The following PCDH15 variants were observed in gnomAD, a reference collection of about 807,000 sequenced individuals.
PCDH15 encodes protocadherin related 15.
PCDH15 carries 129 observed loss-of-function variants against 178.5 expected under a neutral mutation model. That is an observed-to-expected ratio of 0.72 (90% CI 0.63 to 0.84). PCDH15 has a LOEUF of 0.84. Among genes scored for constraint, PCDH15 ranks in the 40% least tolerant of loss-of-function variants. PCDH15 has a pLI of 0.00. For missense variants in PCDH15, 2,230 were observed against 2,099.9 expected (o/e 1.06, Z -1.21); for synonymous variants, 800 against 732.0 (o/e 1.09, Z -1.50).
intron 1 of PCDH15, among the ~76,000 whole-genome samples, chr10:55,262,066 A>C: frequency 6.8e-6 from 1 of 147,840 alleles, no homozygotes; most frequent in South Asian, 2.2e-4. Context: ...GAGGGAGGGA[A>C]AGAGATAAAG....
intron 1 of PCDH15, among the ~76,000 whole-genome samples, chr10:55,181,723 T>G (rs979346895): frequency 6.6e-6 from 1 of 151,998 alleles, no homozygotes; most frequent in Admixed American, 6.6e-5. Flanking sequence ...TATATTAAAC[T>G]AAAAAGAGGC....
chr10:54,732,720 C>A (rs941309544), intron 1 of PCDH15, among the ~76,000 whole-genome samples: 3 of 151,424 alleles, frequency 2.0e-5, no homozygotes, highest in Non-Finnish European at 3.0e-5. Flanking sequence ...TAAAGTCAGA[C>A]AAAAACATGA....
At chr10:55,242,152 G>A (rs1039960939) in intron 1 of PCDH15, among the ~76,000 whole-genome samples, 4 of 152,196 alleles carry the variant, frequency 2.6e-5, no homozygotes, top group Non-Finnish European at 5.9e-5. Context: ...CCAACTATTA[G>A]AAAGAATGTT....
chr10:54,133,150 T>C (rs1028709356), intron 14 of PCDH15, 143 bp from the exon 15 acceptor site: 2 of 959,046 alleles, frequency 2.1e-6, no homozygotes, highest in Admixed American at 2.2e-5. Flanking sequence ...AATGAAAGGA[T>C]AGAAAAAACT....
At chr10:54,651,674 C>T (rs1253398130) in intron 2 of PCDH15, among the ~76,000 whole-genome samples, 1 of 152,084 alleles carries the variant, frequency 6.6e-6, no homozygotes, top group Non-Finnish European at 1.5e-5. Context: ...ACAGCTGAAC[C>T]ATCTGTGATA....
At chr10:55,475,788 G>T (rs1589062174) in intron 2 of PCDH15, among the ~76,000 whole-genome samples, 1 of 152,030 alleles carries the variant, frequency 6.6e-6, no homozygotes, top group Admixed American at 6.6e-5. Context: ...CAAGCCTTTT[G>T]GATAAGTGAT....
chr10:54,777,257 C>A (rs186577982), intron 1 of PCDH15, among the ~76,000 whole-genome samples: 2 of 152,152 alleles, frequency 1.3e-5, no homozygotes, highest in African/African-American at 4.8e-5. Context: ...ACCACCATAC[C>A]AATCATCGAG....
intron 2 of PCDH15, among the ~76,000 whole-genome samples, chr10:55,034,465 A>AT (rs1012631206): frequency 2.6e-5 from 4 of 152,116 alleles, no homozygotes; most frequent in Non-Finnish European, 5.9e-5. Context: ...ACTTTGGCAT[A>AT]TTTTTTTGTT....
rs183292641 is a variant in PCDH15, at chr10:53,879,750, G to A, written c.3502-12893C>T. On this transcript the variant is annotated intron_variant, in intron 26 of 37. Transcript: ENST00000644397. ...CTCTCGAGTACCAGGGACTACAGGC[G>A]CGCACCACCACGCCTGGCTAATTTT... Among the ~76,000 whole-genome samples the A allele has an allele frequency of 5.4e-3, 820 of 152,142 alleles. 5 individuals carry two copies. Among genetic ancestry groups the A allele is most frequent in the African/African-American group, 0.016 (667 of 41,496 alleles).
chr10:55,609,223 A>G (rs1028374524), intron 2 of PCDH15, among the ~76,000 whole-genome samples: 9 of 152,094 alleles, frequency 5.9e-5, no homozygotes, highest in African/African-American at 2.2e-4. Flanking sequence ...GCACTTTCAG[A>G]TAAGTGTAAC....
chr10:54,664,228 G>A lies in PCDH15; in HGVS notation c.35C>T (p.Ala12Val). Reference protein sequence around the residue: ...FRQFYLWTCLASGIILGSLFE... With the variant: ...FRQFYLWTCLVSGIILGSLFE... ...GAGAGAGCCCAGGATGATCCCTGAA[G>A]CTAAACATGTCCAGAGATAAAACTG... The change falls in exon 2 of 38, where the codon GCT becomes GTT. Residue 12 changes from alanine to valine, a missense_variant. Coordinates refer to ENST00000644397, the MANE Select transcript of PCDH15 (RefSeq NM_001384140.1). 3 of 1,612,094 alleles carry A rather than the reference G, an allele frequency of 1.9e-6. No homozygotes were observed. Among genetic ancestry groups the A allele is most frequent in the Non-Finnish European group, 2.5e-6 (3 of 1,178,794 alleles).
At chr10:54,802,713 T>C (rs888881678), upstream of PCDH15, among the ~76,000 whole-genome samples, 1 of 152,218 alleles carries the variant, frequency 6.6e-6, no homozygotes, top group Non-Finnish European at 1.5e-5. Flanking sequence ...ATCCATATAT[T>C]GATATTTGTT....
intron 2 of PCDH15, among the ~76,000 whole-genome samples, chr10:55,371,505 T>C (rs1396583502): frequency 1.3e-5 from 2 of 152,218 alleles, no homozygotes; most frequent in East Asian, 3.9e-4. Flanking sequence ...GGGAAGTTGA[T>C]TGGATCATGG....
Position 55,210,618 on chromosome 10 carries a change from CTTTTTTTTTT to C in PCDH15, c.-155-43977_-155-43968del, listed in dbSNP as rs11412877. Among the ~76,000 whole-genome samples the C allele has an allele frequency of 5.0e-3, 201 of 40,352 alleles. 1 individual carries two copies. The highest frequency in any genetic ancestry group is 0.02 in the African/African-American group (174 of 8,780). The allele number at this position is 40,352 out of a possible 152,430, so 26.5% of individuals were successfully genotyped here. A position where few individuals can be genotyped will look rare whatever the true frequency, so the allele number is the denominator to read the frequency against. On this transcript the variant is annotated intron_variant, in intron 1 of 5. Transcript: ENST00000458638. ...ACGATTTTTTTTTCTTTTTTCTTTTCTTTTTTTTTTTTTTTTTTTTTTTTTTTTTTTGACG... is the reference window on the plus strand; with the variant it reads ...ACGATTTTTTTTTCTTTTTTCTTTTCTTTTTTTTTTTTTTTTTTTTTGACG...
intron 21 of PCDH15, among the ~76,000 whole-genome samples, chr10:53,978,859 T>C (rs2090403309): frequency 1.3e-5 from 2 of 152,278 alleles, no homozygotes; most frequent in African/African-American, 4.8e-5. Context: ...TGACCTTTAC[T>C]CCAGTTCCCA....
At chr10:54,058,416 A>T (rs1347064355) in intron 18 of PCDH15, among the ~76,000 whole-genome samples, 2 of 152,166 alleles carry the variant, frequency 1.3e-5, no homozygotes, top group Non-Finnish European at 2.9e-5. Context: ...GGTGGTAGGA[A>T]AGACAGCGTA....
At chr10:54,207,786 C>G (rs1185386096) in intron 10 of PCDH15, among the ~76,000 whole-genome samples, 1 of 152,008 alleles carries the variant, frequency 6.6e-6, no homozygotes, top group Non-Finnish European at 1.5e-5. Flanking sequence ...CATATTATAC[C>G]TCTGAGCTCA....
intron 2 of PCDH15, among the ~76,000 whole-genome samples, chr10:55,077,713 CTT>C (rs1486759759): frequency 6.6e-6 from 1 of 151,954 alleles, no homozygotes. Flanking sequence ...CACCTGGCTA[CTT>C]TTTGTATTTT....
At chr10:55,091,479 G>C (rs1309089136) in intron 2 of PCDH15, among the ~76,000 whole-genome samples, 1 of 147,946 alleles carries the variant, frequency 6.8e-6, no homozygotes, top group Non-Finnish European at 1.5e-5. Flanking sequence ...ATTAATCCTT[G>C]TGGGTAACAA....
Sources: gnomAD v4.1 joint callset for allele counts (sites outside exome capture counted in the v4.1 genomes callset) on GRCh38, gnomAD v4.1.1 for gene constraint, MANE v1.5 for transcripts, NCBI Gene and HGNC (gene_info 2026-07-23, HGNC 2026-07-21) for gene names.